Variants in AKAIN1 observed in about 807,000 individuals in gnomAD.
AKAIN1 encodes the protein A-kinase anchor inhibitor 1.
In AKAIN1, 3 loss-of-function variants were observed where a neutral mutation model predicts 3.7. The observed-to-expected ratio is 0.82, with a 90% confidence interval of 0.37 to 2.12. The LOEUF (loss-of-function observed/expected upper bound fraction) is 2.12. AKAIN1 is among the 30% of genes most tolerant of loss of function. The probability of loss-of-function intolerance (pLI) is 0.06; values close to 1 mark genes in which losing one functional copy is unlikely to be tolerated. For missense variants in AKAIN1, 82 were observed against 82.7 expected, an observed-to-expected ratio of 0.99 and a Z score of 0.03; for synonymous variants, 31 against 30.8, an observed-to-expected ratio of 1.01 and a Z score of -0.02.
chr18:5,190,307 T>C (rs544591983), intron 1 of AKAIN1, among the ~76,000 whole-genome samples: 53 of 152,212 alleles, frequency 3.5e-4, no homozygotes, highest in Non-Finnish European at 6.9e-4. Context: ...GCTATTACTA[T>C]AGAACCCATG....
chr18:5,178,796 C>A (rs192736978), intron 1 of AKAIN1, among the ~76,000 whole-genome samples: 2 of 152,252 alleles, frequency 1.3e-5, no homozygotes, highest in South Asian at 2.1e-4. Flanking sequence ...ATTTTACCAG[C>A]CTGGGTGGTT....
At chr18:5,156,081 T>C (rs932122459) in intron 1 of AKAIN1, among the ~76,000 whole-genome samples, 7 of 152,178 alleles carry the variant, frequency 4.6e-5, no homozygotes, top group African/African-American at 1.4e-4. Flanking sequence ...AGAGGTTTCC[T>C]GTCCCCACTC....
At chr18:5,195,084 T>C (rs1421338969) in intron 1 of AKAIN1, among the ~76,000 whole-genome samples, 2 of 152,120 alleles carry the variant, frequency 1.3e-5, no homozygotes, top group East Asian at 3.9e-4. Context: ...ATTTTTAGCA[T>C]CCTGTTCTTA....
intron 1 of AKAIN1, among the ~76,000 whole-genome samples, chr18:5,188,043 C>T (rs1338231901): frequency 6.6e-6 from 1 of 152,058 alleles, no homozygotes; most frequent in Non-Finnish European, 1.5e-5. Flanking sequence ...AACTGACCCC[C>T]ATGTAAGTCC....
At chr18:5,188,594 T>C (rs112029783) in intron 1 of AKAIN1, among the ~76,000 whole-genome samples, 55 of 152,050 alleles carry the variant, frequency 3.6e-4, no homozygotes, top group African/African-American at 1.3e-3. Flanking sequence ...TATCAGGCCT[T>C]GCTGCAAACC....
intron 1 of AKAIN1, among the ~76,000 whole-genome samples, chr18:5,184,251 A>G (rs1040427292): frequency 6.6e-6 from 1 of 152,042 alleles, no homozygotes; most frequent in African/African-American, 2.4e-5. Flanking sequence ...TGCAAATATG[A>G]TATTCACAAA....
chr18:5,193,327 A>G (rs2071332073), intron 1 of AKAIN1, among the ~76,000 whole-genome samples: 1 of 152,184 alleles, frequency 6.6e-6, no homozygotes, highest in Admixed American at 6.5e-5. Context: ...TTGGCAATTC[A>G]CCTGACTTGA....
At chr18:5,149,389 G>A (rs1264227954) in intron 1 of AKAIN1, among the ~76,000 whole-genome samples, 1 of 152,240 alleles carries the variant, frequency 6.6e-6, no homozygotes, top group African/African-American at 2.4e-5. Context: ...AGCTATGGCA[G>A]AGGGGAGGGG....
At chr18:5,170,458 T>G (rs1290104311) in intron 1 of AKAIN1, among the ~76,000 whole-genome samples, 1 of 152,170 alleles carries the variant, frequency 6.6e-6, no homozygotes, top group Non-Finnish European at 1.5e-5. Context: ...AATTTCCTTA[T>G]GTTTAAATAA....
chr18:5,174,539 G>A (rs1456151072), intron 1 of AKAIN1, among the ~76,000 whole-genome samples: 2 of 152,058 alleles, frequency 1.3e-5, no homozygotes, highest in East Asian at 1.9e-4. Flanking sequence ...CCAGGAGTTC[G>A]AGACCAGCCT....
At chr18:5,153,695 C>G (rs1379075933) in intron 1 of AKAIN1, among the ~76,000 whole-genome samples, 1 of 152,202 alleles carries the variant, frequency 6.6e-6, no homozygotes, top group African/African-American at 2.4e-5. Context: ...ATTTTCAAGA[C>G]AGTGAAACAA....
At chr18:5,145,855 T>C in intron 1 of AKAIN1, 100 bp from the exon 2 acceptor site, 1 of 995,880 alleles carries the variant, frequency 1.0e-6, no homozygotes, top group Non-Finnish European at 1.5e-6. Flanking sequence ...AGAGTGAGAC[T>C]GTAAGAACAC....
intron 1 of AKAIN1, among the ~76,000 whole-genome samples, chr18:5,177,724 G>A (rs408680): frequency 0.032 from 4,810 of 152,046 alleles, 209 homozygotes; most frequent in African/African-American, 0.1. Flanking sequence ...AAGTTAAGTC[G>A]TATGACAAAA....
chr18:5,157,017 C>T (rs903171304), intron 1 of AKAIN1, among the ~76,000 whole-genome samples: 12 of 151,988 alleles, frequency 7.9e-5, no homozygotes, highest in Non-Finnish European at 1.0e-4. Flanking sequence ...TAAGGCAGGC[C>T]GAGTTTTCAC....
intron 1 of AKAIN1, among the ~76,000 whole-genome samples, chr18:5,184,604 A>G (rs1157566760): frequency 6.6e-6 from 1 of 152,124 alleles, no homozygotes; most frequent in African/African-American, 2.4e-5. Context: ...GACACAAAAA[A>G]GAATAAAATA....
intron 1 of AKAIN1, among the ~76,000 whole-genome samples, chr18:5,192,875 AC>A (rs2071329740): frequency 1.3e-5 from 2 of 152,216 alleles, no homozygotes; most frequent in Non-Finnish European, 2.9e-5. Flanking sequence ...TGTGGTCATT[AC>A]ATGAATCTAT....
intron 1 of AKAIN1, among the ~76,000 whole-genome samples, chr18:5,180,399 GGA>G (rs139325615): frequency 0.089 from 13,600 of 152,050 alleles, 795 homozygotes; most frequent in East Asian, 0.19. Flanking sequence ...AGGTTCATGG[GGA>G]GAGACCTGCC....
Position 5,143,369 on chromosome 18 carries a change from CTG to C in AKAIN1, c.*2191_*2192del, listed in dbSNP as rs1211744738. ...TCCTCCCAACAACTTAGTCATATCT[CTG>C]TTCCTTGCTGTCGATTTTCCATCTC... On this transcript the variant is annotated 3_prime_UTR_variant, in exon 2 of 2. Transcript: ENST00000434239. 6.6e-6 allele frequency among the ~76,000 whole-genome samples: 1 copy of C among 152,222 alleles called. No individual in the cohort carries two copies. Among genetic ancestry groups the C allele is most frequent in the Non-Finnish European group, 1.5e-5 (1 of 68,036 alleles).
intron 1 of AKAIN1, among the ~76,000 whole-genome samples, chr18:5,172,525 T>A (rs561293708): frequency 4.6e-5 from 7 of 152,228 alleles, no homozygotes; most frequent in African/African-American, 1.4e-4. Flanking sequence ...GGCATTGCAA[T>A]GTGCATCTTA....
Sources: gnomAD v4.1 joint callset for allele counts (sites outside exome capture counted in the v4.1 genomes callset) on GRCh38, gnomAD v4.1.1 for gene constraint, MANE v1.5 for transcripts, NCBI Gene and HGNC (gene_info 2026-07-23, HGNC 2026-07-21) for gene names.